Variants in ANKS1B observed in about 807,000 individuals in gnomAD.
ANKS1B encodes ankyrin repeat and sterile alpha motif domain containing 1B.
ANKS1B carries 36 observed loss-of-function variants against 148.3 expected under a neutral mutation model. The observed-to-expected ratio is 0.24, with a 90% CI of 0.19 to 0.32. ANKS1B has a LOEUF of 0.32. ANKS1B is among the 10% of genes least tolerant of loss of function. The probability of loss-of-function intolerance (pLI) is 1.00; values close to 1 mark genes in which losing one functional copy is unlikely to be tolerated. For synonymous variants in ANKS1B, 542 were observed against 560.8 expected, an observed-to-expected ratio of 0.97 and a Z score of 0.47; for missense variants, 1,157 against 1,542.6, an observed-to-expected ratio of 0.75 and a Z score of 4.19.
At chr12:99,264,943 T>C (rs924241481) in intron 12 of ANKS1B, among the ~76,000 whole-genome samples, 1 of 152,184 alleles carries the variant, frequency 6.6e-6, no homozygotes, top group African/African-American at 2.4e-5. Context: ...TTTTACTTCA[T>C]TGGCCTAGTG....
intron 8 of ANKS1B, among the ~76,000 whole-genome samples, chr12:99,721,735 T>C (rs530924114): frequency 6.6e-6 from 1 of 152,352 alleles, no homozygotes; most frequent in South Asian, 2.1e-4. Flanking sequence ...CTGATGCGCA[T>C]GAAACTTGGT....
At chr12:98,811,500 AT>A (rs1447987236) in intron 19 of ANKS1B, among the ~76,000 whole-genome samples, 2 of 152,134 alleles carry the variant, frequency 1.3e-5, no homozygotes, top group African/African-American at 2.4e-5. Flanking sequence ...CAGAAGTCCA[AT>A]TATGGATACC....
At position 98,829,097 on chromosome 12, in the gene ANKS1B, T is replaced by G. The variant is rs1281064134; in HGVS notation, c.3066+77A>C. On this transcript the variant is annotated intron_variant, in intron 19 of 26. Coordinates refer to ENST00000683438, the MANE Select transcript of ANKS1B (RefSeq NM_001352186.2). This position sits in a 1 kb window ranked among gnomAD's most constrained non-coding sequence, Gnocchi z 5.2. ...GTTAGGCACGGACAATAAGCATCCATAGGAAGCTACTGTTCACTATTAAAA... is the reference window on the plus strand; with the variant it reads ...GTTAGGCACGGACAATAAGCATCCAGAGGAAGCTACTGTTCACTATTAAAA... 7.3e-6 allele frequency: 11 copies of G among 1,501,514 alleles called. No homozygotes were observed. Among genetic ancestry groups the G allele is most frequent in the Non-Finnish European group, 1.0e-5 (11 of 1,085,818 alleles). 93.0% of individuals were successfully genotyped at this position (1,501,514 alleles called of 1,614,324 possible). A position where few individuals can be genotyped will look rare whatever the true frequency, so the allele number is the denominator to read the frequency against.
At chr12:98,915,269 C>T (rs533522113) in intron 17 of ANKS1B, among the ~76,000 whole-genome samples, 1 of 152,222 alleles carries the variant, frequency 6.6e-6, no homozygotes, top group Admixed American at 6.5e-5. Context: ...AGAAGATGGC[C>T]ATCTACAAGC....
intron 17 of ANKS1B, among the ~76,000 whole-genome samples, chr12:98,910,852 T>C (rs748857035): frequency 2.6e-5 from 4 of 152,172 alleles, no homozygotes; most frequent in Non-Finnish European, 5.9e-5. Context: ...TAATCTCCAG[T>C]GAAGCAGTGC....
chr12:99,270,044 T>A (rs962697179), intron 12 of ANKS1B, among the ~76,000 whole-genome samples: 2 of 152,136 alleles, frequency 1.3e-5, no homozygotes, highest in African/African-American at 2.4e-5. Context: ...ATTAAAAAAT[T>A]TAACAAACAG....
chr12:99,932,793 T>A (rs1233886428), intron 1 of ANKS1B, among the ~76,000 whole-genome samples: 1 of 152,210 alleles, frequency 6.6e-6, no homozygotes, highest in Non-Finnish European at 1.5e-5. Context: ...TTGTCCATGT[T>A]TGCTTTGGTT....
chr12:99,745,466 A>G (rs1018212709), intron 8 of ANKS1B, among the ~76,000 whole-genome samples: 12 of 152,180 alleles, frequency 7.9e-5, no homozygotes, highest in African/African-American at 2.7e-4. Context: ...AGAGCAAAAT[A>G]TGGTGGTTTT....
intron 8 of ANKS1B, among the ~76,000 whole-genome samples, chr12:99,760,447 G>C (rs2061979803): frequency 6.6e-6 from 1 of 151,824 alleles, no homozygotes; most frequent in Non-Finnish European, 1.5e-5. Flanking sequence ...GCTACTGAAT[G>C]AGTTTTGGGT....
chr12:99,429,095 C>T (rs905976459), intron 11 of ANKS1B, among the ~76,000 whole-genome samples: 1 of 152,114 alleles, frequency 6.6e-6, no homozygotes, highest in Non-Finnish European at 1.5e-5. Context: ...GGGATATTCA[C>T]ATAGTTTTAA....
chr12:98,799,974 G>GT (rs1435795500), intron 21 of ANKS1B, among the ~76,000 whole-genome samples: 1 of 152,036 alleles, frequency 6.6e-6, no homozygotes, highest in African/African-American at 2.4e-5. Flanking sequence ...ACTCTGCAGA[G>GT]ACGGGGATGG....
At chr12:99,670,465 A>G (rs2098532051) in intron 8 of ANKS1B, among the ~76,000 whole-genome samples, 1 of 152,110 alleles carries the variant, frequency 6.6e-6, no homozygotes, top group Admixed American at 6.6e-5. Flanking sequence ...TAATTAAAAA[A>G]TTATTGTTTA....
chr12:99,849,294 C>G (rs1342757087), intron 1 of ANKS1B, among the ~76,000 whole-genome samples: 1 of 151,870 alleles, frequency 6.6e-6, no homozygotes, highest in Non-Finnish European at 1.5e-5. Flanking sequence ...TACACATATA[C>G]ACATAGTTGT....
intron 14 of ANKS1B, among the ~76,000 whole-genome samples, chr12:99,170,132 G>C (rs11109749): frequency 0.29 from 44,558 of 152,156 alleles, 7,975 homozygotes; most frequent in East Asian, 0.5. Context: ...CCCATCACCT[G>C]GATATTTTTA....
intron 25 of ANKS1B, among the ~76,000 whole-genome samples, chr12:98,764,781 G>T (rs1479838614): frequency 1.3e-5 from 2 of 152,216 alleles, no homozygotes; most frequent in African/African-American, 4.8e-5. Flanking sequence ...CACAGACTAA[G>T]TGTTCAGCTT....
At chr12:98,859,659 A>G (rs2152116638) in intron 17 of ANKS1B, among the ~76,000 whole-genome samples, 1 of 152,370 alleles carries the variant, frequency 6.6e-6, no homozygotes, top group South Asian at 2.1e-4. Context: ...ATTTTAGTTT[A>G]TGAAAATCAA....
chr12:99,382,072 CA>C (rs1289791287), intron 12 of ANKS1B, among the ~76,000 whole-genome samples: 4 of 152,100 alleles, frequency 2.6e-5, no homozygotes, highest in African/African-American at 4.8e-5. Flanking sequence ...TTTTGAAATG[CA>C]AAACATCTGA....
chr12:99,704,876 C>T (rs371697167), intron 8 of ANKS1B, among the ~76,000 whole-genome samples: 7 of 151,874 alleles, frequency 4.6e-5, no homozygotes, highest in Admixed American at 2.6e-4. Context: ...TTGCCCAAAA[C>T]GTCATTAAAA....
At chr12:98,738,816 G>T (rs552909723) in intron 9 of ANKS1B, among the ~76,000 whole-genome samples, 1 of 152,198 alleles carries the variant, frequency 6.6e-6, no homozygotes, top group Non-Finnish European at 1.5e-5. Flanking sequence ...AATAGCTTAC[G>T]TGATGGTTTT....
Sources: gnomAD v4.1 joint callset for allele counts (sites outside exome capture counted in the v4.1 genomes callset) on GRCh38, gnomAD v4.1.1 for gene constraint, Gnocchi (gnomAD v3.1) non-coding constraint, MANE v1.5 for transcripts, NCBI Gene and HGNC (gene_info 2026-07-23, HGNC 2026-07-21) for gene names.